Variants in A2ML1 observed in about 807,000 individuals in gnomAD.
A2ML1 encodes alpha-2-macroglobulin like 1, also known as alpha-2-macroglobulin-like protein 1.
A neutral mutation model predicts 181.9 loss-of-function variants in A2ML1; 161 were observed. That is an observed-to-expected ratio of 0.89 (90% CI 0.78 to 1.01). The LOEUF is 1.01. A2ML1 is among the 50% of genes least tolerant of loss of function. The pLI is 0.00. For synonymous variants in A2ML1, 663 were observed against 666.8 expected, an observed-to-expected ratio of 0.99 and a Z score of 0.09; for missense variants, 1,670 against 1,768.1, an observed-to-expected ratio of 0.94 and a Z score of 1.00.
intron 15 of A2ML1, among the ~76,000 whole-genome samples, chr12:8,848,349 C>T (rs1208990765): frequency 4.0e-5 from 6 of 151,094 alleles, no homozygotes; most frequent in Admixed American, 3.3e-4. Context: ...GGCATGGTGG[C>T]GCATGCCTGT....
intron 4 of A2ML1, among the ~76,000 whole-genome samples, chr12:8,831,757 GT>G (rs375149313): frequency 4.0e-5 from 6 of 149,734 alleles, no homozygotes; most frequent in South Asian, 2.1e-4. Flanking sequence ...TTTTGTTTTT[GT>G]TTTTTTTTGA....
chr12:8,841,948 C>T (rs760243407), intron 11 of A2ML1, among the ~76,000 whole-genome samples: 1 of 152,286 alleles, frequency 6.6e-6, no homozygotes, highest in South Asian at 2.1e-4. Flanking sequence ...TCAACTGCCA[C>T]AACAATGCTT....
intron 12 of A2ML1, chr12:8,844,957 G>T: frequency 7.5e-7 from 1 of 1,329,086 alleles, no homozygotes; most frequent in Non-Finnish European, 9.6e-7. Flanking sequence ...AGTGAGAGTG[G>T]ACGGGAAGGG....
Position 8,843,377 on chromosome 12 carries a change from G to C in A2ML1, c.1476+16G>C, listed in dbSNP as rs769801611. 1.9e-6 allele frequency: 3 copies of C among 1,609,374 alleles called. No homozygotes were observed. The highest frequency in any genetic ancestry group is 2.6e-6 in the Non-Finnish European group (3 of 1,176,066). On this transcript the variant is annotated intron_variant, in intron 12 of 35. Transcript: ENST00000299698. The stretch of plus-strand genomic sequence containing the variant: ...CTCCTACTATGTGAGACCGGGAAAC[G>C]GGGACGGGTGAGAGTATGCTGGGAA...
intron 21 of A2ML1, 80 bp from the exon 22 acceptor site, chr12:8,854,700 G>T: frequency 6.6e-7 from 1 of 1,507,564 alleles, no homozygotes; most frequent in Non-Finnish European, 9.2e-7. Context: ...ACAGCGAGGG[G>T]CCTCCCTTCC....
In A2ML1 at chr12:8,829,707, T is replaced by C; in HGVS notation, c.410-20T>C. 6.2e-7 allele frequency: 1 copy of C among 1,605,940 alleles called. No homozygotes were observed. On this transcript the variant is annotated intron_variant, in intron 3 of 35. Transcript: ENST00000299698. ...AGCCAGGAAACATCCCCTTTGCTAA[T>C]GATGCCTGTTCCTTTCCAGTGTATT...
intron 7 of A2ML1, among the ~76,000 whole-genome samples, chr12:8,884,233 T>A (rs1368866770): frequency 2.1e-5 from 3 of 144,232 alleles, no homozygotes; most frequent in East Asian, 4.1e-4. Flanking sequence ...TATTTTTTGT[T>A]TTTTTTTGTT....
downstream of A2ML1, among the ~76,000 whole-genome samples, chr12:8,877,696 G>A (rs1210890729): frequency 2.0e-5 from 3 of 152,134 alleles, no homozygotes; most frequent in African/African-American, 4.8e-5. Context: ...AGATGTTGGC[G>A]AGGTAGCAGA....
At chr12:8,872,868 TG>T (rs1944676394) in intron 33 of A2ML1, among the ~76,000 whole-genome samples, 2 of 152,322 alleles carry the variant, frequency 1.3e-5, no homozygotes, top group South Asian at 4.1e-4. Flanking sequence ...TTTGCATTTT[TG>T]CTTTAATATC....
rs745424418 is a variant in A2ML1, at chr12:8,857,949, G to T, written c.3111G>T (p.Leu1037=). The T allele has an allele frequency of 6.2e-7, 1 of 1,613,976 alleles. No homozygotes were observed. The stretch of plus-strand genomic sequence containing the variant: ...ATTTTCCTCTTTACCCATGTAGGCT[G>T]ACAGCGTTTGTCACAAAATGCTTTG... ...GERDGNGNTW[L]TAFVTKCFGQ... is the part of the protein sequence containing the mutation. Residue 1037 remains leucine, a synonymous_variant, in exon 26 of 36, where the codon CTG becomes CTT. Coordinates refer to ENST00000299698, the MANE Select transcript of A2ML1 (RefSeq NM_144670.6).
At chr12:8,851,118 G>T (rs766456272) in intron 18 of A2ML1, among the ~76,000 whole-genome samples, 1 of 152,262 alleles carries the variant, frequency 6.6e-6, no homozygotes, top group South Asian at 2.1e-4. Flanking sequence ...TGCAGGCCCT[G>T]TGTTCTCACT....
Position 8,846,330 on chromosome 12 carries a change from C to T in A2ML1, c.1683+108C>T, listed in dbSNP as rs912154122. ...AGTCAGGGAAAGAAGATAGTGTTGA[C>T]GTTGGATGTTGTATTATATTTATAT... On this transcript the variant is annotated intron_variant, in intron 14 of 35. Coordinates refer to ENST00000299698, the MANE Select transcript of A2ML1 (RefSeq NM_144670.6). The T allele has an allele frequency of 2.9e-5, 37 of 1,262,074 alleles. No individual in the cohort carries two copies. The African/African-American group carries it at 4.5e-4, about 15-fold the overall frequency. The allele number at this position is 1,262,074 out of a possible 1,614,324, so 78.2% of individuals were successfully genotyped here. A position where few individuals can be genotyped will look rare whatever the true frequency, so the allele number is the denominator to read the frequency against.
Position 8,852,840 on chromosome 12 carries a change from C to T in A2ML1, c.2590+504C>T, listed in dbSNP as rs1390969996. ...CCTCCCAAGTAGCTAGGATTACAGT[C>T]GCGTGCCACCCTACCCGGCTAATTT... On this transcript the variant is annotated intron_variant, in intron 20 of 35. Transcript: ENST00000299698. The surrounding 1 kb of genome is among the most constrained non-coding windows in gnomAD (Gnocchi z 4.2). Among the ~76,000 whole-genome samples the T allele has an allele frequency of 2.0e-5, 3 of 151,840 alleles. No homozygotes were observed. Among genetic ancestry groups the T allele is most frequent in the East Asian group, 3.9e-4 (2 of 5,120 alleles).
chr12:8,834,633 A>G lies in A2ML1; in HGVS notation c.463-29A>G, dbSNP rs752397007. 4 of 1,613,390 alleles carry G rather than the reference A, an allele frequency of 2.5e-6. No individual in the cohort carries two copies. The African/African-American group carries it at 5.3e-5, about 22-fold the overall frequency. ...ATTCTTATTGCTGTCAACCTTCTTT[A>G]ACCCGCATTATCTGGTTTTCCTTTT... On this transcript the variant is annotated intron_variant, in intron 4 of 35. Coordinates refer to ENST00000299698, the MANE Select transcript of A2ML1 (RefSeq NM_144670.6).
At chr12:8,836,403 T>G in intron 7 of A2ML1, 64 bp downstream of exon 7, 49 of 1,221,312 alleles carry the variant, frequency 4.0e-5, no homozygotes, top group Non-Finnish European at 5.8e-5. Flanking sequence ...GATGAGGGGA[T>G]GACATGGGAT....
At chr12:8,878,490 G>A (rs1349888922), downstream of A2ML1, among the ~76,000 whole-genome samples, 1 of 152,160 alleles carries the variant, frequency 6.6e-6, no homozygotes, top group African/African-American at 2.4e-5. This position sits in a 1 kb window ranked among gnomAD's most constrained non-coding sequence, Gnocchi z 4.4. Context: ...AAACACTGGA[G>A]ATTCCAAAAG....
At chr12:8,841,089 A>G (rs1291088119) in intron 10 of A2ML1, among the ~76,000 whole-genome samples, 1 of 152,174 alleles carries the variant, frequency 6.6e-6, no homozygotes, top group Non-Finnish European at 1.5e-5. Flanking sequence ...GCCTGTGCAT[A>G]TGAAGAGCCC....
chr12:8,831,946 C>T (rs1249621406), intron 4 of A2ML1, among the ~76,000 whole-genome samples: 2 of 152,096 alleles, frequency 1.3e-5, no homozygotes, highest in Non-Finnish European at 2.9e-5. Flanking sequence ...GACGGGGTTT[C>T]TTCATGTTGG....
At chr12:8,857,877 A>G in intron 25 of A2ML1, 69 bp from the exon 26 acceptor site, 1 of 1,575,916 alleles carries the variant, frequency 6.3e-7, no homozygotes, top group Non-Finnish European at 8.6e-7. Context: ...ACCCAAATAA[A>G]TGAAGAAATG....
Sources: gnomAD v4.1 joint callset for allele counts (sites outside exome capture counted in the v4.1 genomes callset) on GRCh38, gnomAD v4.1.1 for gene constraint, Gnocchi (gnomAD v3.1) non-coding constraint, MANE v1.5 for transcripts, NCBI Gene and HGNC (gene_info 2026-07-23, HGNC 2026-07-21) for gene names.